EYA3: variants seen among roughly 807,000 people sequenced by gnomAD.
The protein encoded by EYA3 is EYA transcriptional coactivator and phosphatase 3, also known as protein phosphatase EYA3.
In EYA3, 39 loss-of-function variants were observed where a neutral mutation model predicts 80.0. That is an observed-to-expected ratio of 0.49 (90% CI 0.38 to 0.64). The LOEUF is 0.64. Ranked by LOEUF, EYA3 falls within the 30% of genes least tolerant of loss-of-function variation. The pLI, the probability that EYA3 is intolerant of heterozygous loss-of-function variation, is 0.00. For synonymous variants in EYA3, 206 were observed against 232.8 expected, an observed-to-expected ratio of 0.88 and a Z score of 1.05; for missense variants, 523 against 676.1, an observed-to-expected ratio of 0.77 and a Z score of 2.51.
intron 1 of EYA3, among the ~76,000 whole-genome samples, chr1:28,072,665 T>A (rs578226997): frequency 6.6e-6 from 1 of 152,172 alleles, no homozygotes. Context: ...GGAAAACAGT[T>A]TGGCAGTTCC....
chr1:28,070,899 T>TA (rs976838940), intron 1 of EYA3, among the ~76,000 whole-genome samples: 2 of 152,136 alleles, frequency 1.3e-5, no homozygotes, highest in African/African-American at 4.8e-5. Context: ...AGACAGCACT[T>TA]AAAGTCTGCA....
At chr1:28,044,431 G>A (rs1460858109) in intron 3 of EYA3, among the ~76,000 whole-genome samples, 1 of 152,178 alleles carries the variant, frequency 6.6e-6, no homozygotes, top group Non-Finnish European at 1.5e-5. Context: ...AACACAGTAA[G>A]CACACTTTAA....
intron 2 of EYA3, among the ~76,000 whole-genome samples, chr1:28,056,192 TCA>T (rs1644431755): frequency 6.6e-6 from 1 of 152,254 alleles, no homozygotes; most frequent in African/African-American, 2.4e-5. Flanking sequence ...TATCTAACTC[TCA>T]CACACTAAGC....
intron 4 of EYA3, among the ~76,000 whole-genome samples, chr1:28,039,388 T>G (rs1171855903): frequency 6.6e-6 from 1 of 152,244 alleles, no homozygotes; most frequent in East Asian, 1.9e-4. Context: ...GCTACTGCTA[T>G]GCATAATCAA....
Position 27,978,539 on chromosome 1 carries a change from G to A in EYA3, c.1541-65C>T, listed in dbSNP as rs1639096834. 15 of 1,368,226 alleles carry A rather than the reference G, an allele frequency of 1.1e-5. No individual in the cohort carries two copies. In the South Asian group the frequency reaches 1.8e-4, roughly 16 times the overall value. 84.8% of individuals were successfully genotyped at this position (1,368,226 alleles called of 1,614,324 possible). A position where few individuals can be genotyped will look rare whatever the true frequency, so the allele number is the denominator to read the frequency against. On this transcript the variant is annotated intron_variant, in intron 16 of 17. Coordinates refer to ENST00000373871, the MANE Select transcript of EYA3 (RefSeq NM_001990.4). ...CTTCTTTTCAAAACCAAAGAAGAGGGCTGCTGCTAGGTTCACCTGCCTGTG... is the reference window on the plus strand; with the variant it reads ...CTTCTTTTCAAAACCAAAGAAGAGGACTGCTGCTAGGTTCACCTGCCTGTG...
chr1:28,044,647 G>T (rs879600984), intron 3 of EYA3, among the ~76,000 whole-genome samples: 2 of 152,058 alleles, frequency 1.3e-5, no homozygotes, highest in African/African-American at 4.8e-5. Context: ...AAAAAGAAAT[G>T]TTGCTTATAT....
chr1:27,978,494 T>A lies in EYA3; in HGVS notation c.1541-20A>T. ...CCTTACCTGATGAGAAAAAGAAATT[T>A]CCTGTTAGAATACTCTTCTCTTCTT... is the stretch of plus-strand genomic sequence containing the variant. On this transcript the variant is annotated intron_variant, in intron 16 of 17. Coordinates refer to ENST00000373871, the MANE Select transcript of EYA3 (RefSeq NM_001990.4). 1 of 1,595,746 alleles carries A rather than the reference T, an allele frequency of 6.3e-7. No individual in the cohort carries two copies. Among genetic ancestry groups the A allele is most frequent in the Non-Finnish European group, 8.6e-7 (1 of 1,163,752 alleles).
chr1:28,035,692 C>G lies in EYA3; in HGVS notation c.225-12G>C. ...TATGTGCATAAGGTCTGGAAAATTTCATGAAAACAAAAACTTTTGTGTGAT... is the reference window on the plus strand; with the variant it reads ...TATGTGCATAAGGTCTGGAAAATTTGATGAAAACAAAAACTTTTGTGTGAT... On this transcript the variant is annotated splice_polypyrimidine_tract_variant and intron_variant, in intron 5 of 17. Transcript: ENST00000373871. 2 of 1,606,840 alleles carry G rather than the reference C, an allele frequency of 1.2e-6. No homozygotes were observed. The highest frequency in any genetic ancestry group is 1.7e-6 in the Non-Finnish European group (2 of 1,177,916).
At chr1:28,087,027 T>C (rs1645680910) in intron 1 of EYA3, among the ~76,000 whole-genome samples, 1 of 152,206 alleles carries the variant, frequency 6.6e-6, no homozygotes, top group Non-Finnish European at 1.5e-5. Flanking sequence ...AGCCAAAAGA[T>C]AAGCAGGTGC....
chr1:27,995,421 GAAAAAAAAAA>G (rs55902170), intron 13 of EYA3, among the ~76,000 whole-genome samples: 4 of 79,204 alleles, frequency 5.1e-5, no homozygotes, highest in South Asian at 4.2e-4. Context: ...ATCTTAAAAG[GAAAAAAAAAA>G]AAAAAAAAAA....
At chr1:28,057,932 T>C in intron 2 of EYA3, 62 bp downstream of exon 2, 4 of 981,192 alleles carry the variant, frequency 4.1e-6, no homozygotes, top group Non-Finnish European at 6.0e-6. Flanking sequence ...TGAATAATAA[T>C]TAAAATCTCT....
intron 2 of EYA3, among the ~76,000 whole-genome samples, chr1:28,050,972 TGAA>T (rs1235746544): frequency 6.6e-6 from 1 of 152,182 alleles, no homozygotes; most frequent in Non-Finnish European, 1.5e-5. Context: ...TAATGAATAC[TGAA>T]AACTACACAG....
Position 27,974,333 on chromosome 1 carries a change from AAGAG to A in EYA3, c.*129_*132del, listed in dbSNP as rs1391877676. ...AGGGAGGGAGAGAGGGAGAGAGAGA[AAGAG>A]AGAAAGAGAGAGAGATAGAGACAGA... On this transcript the variant is annotated 3_prime_UTR_variant, in exon 18 of 18. Coordinates refer to ENST00000373871, the MANE Select transcript of EYA3 (RefSeq NM_001990.4). 7.7e-6 allele frequency: 4 copies of A among 518,056 alleles called. No homozygotes were observed. Among genetic ancestry groups the A allele is most frequent in the Admixed American group, 3.3e-5 (1 of 30,224 alleles). The allele number at this position is 518,056 out of a possible 1,614,324, so 32.1% of individuals were successfully genotyped here.
At chr1:27,991,956 G>A (rs1263647353) in intron 14 of EYA3, among the ~76,000 whole-genome samples, 1 of 152,088 alleles carries the variant, frequency 6.6e-6, no homozygotes, top group Non-Finnish European at 1.5e-5. Flanking sequence ...AAAAGATGTG[G>A]AGTTACCAAA....
At chr1:27,984,385 T>C (rs1639510798) in intron 16 of EYA3, among the ~76,000 whole-genome samples, 1 of 152,178 alleles carries the variant, frequency 6.6e-6, no homozygotes, top group African/African-American at 2.4e-5. Context: ...TCAATGATTT[T>C]TTTTTTTTGC....
At chr1:28,054,445 C>T (rs1319491602) in intron 2 of EYA3, among the ~76,000 whole-genome samples, 2 of 152,084 alleles carry the variant, frequency 1.3e-5, no homozygotes, top group Non-Finnish European at 2.9e-5. Flanking sequence ...AGTTTATTCC[C>T]ATATTTATAA....
intron 16 of EYA3, among the ~76,000 whole-genome samples, chr1:27,983,841 G>C (rs1399544794): frequency 6.6e-6 from 1 of 152,172 alleles, no homozygotes; most frequent in African/African-American, 2.4e-5. Context: ...TTTTAGTAGA[G>C]ACAGGGTTTC....
chr1:28,001,486 C>T (rs1009632563), intron 11 of EYA3, among the ~76,000 whole-genome samples: 3 of 144,056 alleles, frequency 2.1e-5, no homozygotes, highest in Non-Finnish European at 3.0e-5. Flanking sequence ...CAGTGGCTCA[C>T]GCCTGTAATC....
At chr1:28,017,070 T>G (rs1379897837) in intron 8 of EYA3, 84 bp downstream of exon 8, 3 of 1,210,898 alleles carry the variant, frequency 2.5e-6, no homozygotes, top group Non-Finnish European at 3.6e-6. Context: ...GGTTGTTTCT[T>G]AGATAGGCAA....
Sources: gnomAD v4.1 joint callset for allele counts (sites outside exome capture counted in the v4.1 genomes callset) on GRCh38, gnomAD v4.1.1 for gene constraint, MANE v1.5 for transcripts, NCBI Gene and HGNC (gene_info 2026-07-23, HGNC 2026-07-21) for gene names.